Variants in EPHA4 observed in about 807,000 individuals in gnomAD.
EPHA4 encodes EPH receptor A4.
EPHA4 carries 19 observed loss-of-function variants against 108.3 expected under a neutral mutation model. The ratio of observed to expected loss-of-function variants is 0.18; its 90% confidence interval spans 0.12 to 0.26. The LOEUF is 0.26. Among genes scored for constraint, EPHA4 ranks in the 10% least tolerant of loss-of-function variants. The pLI, the probability that EPHA4 is intolerant of heterozygous loss-of-function variation, is 1.00. For missense variants in EPHA4, 917 were observed against 1,254.0 expected (o/e 0.73, Z 4.06); for synonymous variants, 449 against 455.5 (o/e 0.99, Z 0.18).
chr2:221,457,794 A>T, intron 6 of EPHA4, 72 bp downstream of exon 6: 2 of 1,544,136 alleles, frequency 1.3e-6, no homozygotes, highest in South Asian at 2.3e-5. Flanking sequence ...GGGAAGGAGA[A>T]AGGAAAGAAG....
intron 4 of EPHA4, among the ~76,000 whole-genome samples, chr2:221,489,310 G>A (rs912345232): frequency 3.3e-5 from 5 of 152,292 alleles, no homozygotes; most frequent in South Asian, 2.1e-4. Context: ...GTGGATATAC[G>A]GTGTAACGTG....
At chr2:221,562,349 A>C (rs1416689114) in intron 3 of EPHA4, among the ~76,000 whole-genome samples, 1 of 152,222 alleles carries the variant, frequency 6.6e-6, no homozygotes, top group Non-Finnish European at 1.5e-5. Context: ...ACTTCAGACA[A>C]GTGTAAACTA....
In EPHA4 at chr2:221,436,480, G is replaced by C; in HGVS notation, c.2265C>G (p.Asn755Lys). Residue 755 changes from asparagine to lysine, a missense_variant, in exon 13 of 18, where the codon AAC becomes AAG. Asn to Lys is a moderately conservative substitution (Grantham distance 94, BLOSUM62 0). Around this residue, in one of 3 missense-constraint regions of EPHA4, gnomAD observed 758 missense variants for 1,076.7 expected, o/e 0.70. Transcript: ENST00000281821. ...RDLAARNILVNSNLVCKVSDF... is the reference protein window; with the variant it reads ...RDLAARNILVKSNLVCKVSDF... Reference sequence around the variant, plus strand: ...CAGACACTTTGCAGACCAAGTTGCTGTTCACCAGGATGTTCCGTGCGGCCA... The same window carrying C: ...CAGACACTTTGCAGACCAAGTTGCTCTTCACCAGGATGTTCCGTGCGGCCA... 2 of 1,614,118 alleles carry C rather than the reference G, an allele frequency of 1.2e-6. No homozygotes were observed. Among genetic ancestry groups the C allele is most frequent in the Non-Finnish European group, 1.7e-6 (2 of 1,180,028 alleles).
In EPHA4 at chr2:221,571,016, G is replaced by A. The variant is rs919389387; in HGVS notation, c.91+1142C>T. Reference sequence around the variant, plus strand: ...CAGGCCAGAGCACCAGCATACGCTGGAACAGAGCACGAGCATACACTCGAA... The same window carrying A: ...CAGGCCAGAGCACCAGCATACGCTGAAACAGAGCACGAGCATACACTCGAA... On this transcript the variant is annotated intron_variant, in intron 1 of 17. Transcript: ENST00000281821. This position sits in a 1 kb window ranked among gnomAD's most constrained non-coding sequence, Gnocchi z 6.3. Among the ~76,000 whole-genome samples the A allele has an allele frequency of 2.0e-5, 3 of 152,122 alleles. No individual in the cohort carries two copies. The highest frequency in any genetic ancestry group is 7.2e-5 in the African/African-American group (3 of 41,394).
chr2:221,562,786 A>T (rs988986838), intron 3 of EPHA4, among the ~76,000 whole-genome samples: 8 of 152,212 alleles, frequency 5.3e-5, no homozygotes, highest in African/African-American at 1.9e-4. Flanking sequence ...AATCTGTATA[A>T]ATAGGAATTA....
In EPHA4 at chr2:221,511,777, C is replaced by T. The variant is rs1034266039; in HGVS notation, c.824-10605G>A. ...AATTTAAAAATAGAAGGCAGTACAG[C>T]AACCTATAATCACAATAATTCCTTT... On this transcript the variant is annotated intron_variant, in intron 3 of 17. Transcript: ENST00000281821. Among the ~76,000 whole-genome samples the T allele has an allele frequency of 7.3e-4, 111 of 152,310 alleles. 1 individual carries two copies. The highest frequency in any genetic ancestry group is 2.6e-3 in the African/African-American group (108 of 41,572).
chr2:221,472,764 C>T (rs1383728562), intron 5 of EPHA4, among the ~76,000 whole-genome samples: 3 of 152,086 alleles, frequency 2.0e-5, no homozygotes, highest in African/African-American at 4.8e-5. Context: ...AAAAATATTT[C>T]GTGTCTCTAT....
intron 3 of EPHA4, among the ~76,000 whole-genome samples, chr2:221,508,333 C>A (rs1443583953): frequency 6.6e-6 from 1 of 152,124 alleles, no homozygotes; most frequent in Non-Finnish European, 1.5e-5. Flanking sequence ...AATCCCAGCA[C>A]TTTGGGAGGT....
Position 221,456,759 on chromosome 2 carries a change from C to T in EPHA4, c.1457G>A (p.Arg486Gln), listed in dbSNP as rs368046283. The change falls in exon 7 of 18, where the codon CGA (arginine) becomes CAA (glutamine). Residue 486 changes from arginine (R) to glutamine (Q), a missense_variant. Transcript: ENST00000281821. ...AGCTGTCCGAACTATACGATAGCTT[C>T]GCTCATTCTGATCCTACATCATGGC... Reference protein sequence around the residue: ...VKYYEKDQNERSYRIVRTAAR... With the variant: ...VKYYEKDQNEQSYRIVRTAAR... 54 of 1,613,368 alleles carry T rather than the reference C, an allele frequency of 3.3e-5. No individual in the cohort carries two copies. Among genetic ancestry groups the T allele is most frequent in the South Asian group, 2.7e-4 (25 of 91,024 alleles).
intron 15 of EPHA4, among the ~76,000 whole-genome samples, chr2:221,427,456 A>G (rs1689946507): frequency 6.6e-6 from 1 of 152,244 alleles, no homozygotes; most frequent in Non-Finnish European, 1.5e-5. Context: ...AAAATCATTT[A>G]CTAATAAAAA....
At chr2:221,523,281 T>C (rs1286792218) in intron 3 of EPHA4, among the ~76,000 whole-genome samples, 1 of 152,086 alleles carries the variant, frequency 6.6e-6, no homozygotes, top group African/African-American at 2.4e-5. Flanking sequence ...AACTAATATA[T>C]TTAGTCAATA....
intron 3 of EPHA4, among the ~76,000 whole-genome samples, chr2:221,534,096 A>G (rs1252956330): frequency 6.6e-6 from 1 of 152,220 alleles, no homozygotes; most frequent in Non-Finnish European, 1.5e-5. Context: ...ACTCAATTTC[A>G]AAAATCATGC....
intron 8 of EPHA4, among the ~76,000 whole-genome samples, chr2:221,449,174 T>C (rs1278567505): frequency 6.6e-6 from 1 of 152,286 alleles, no homozygotes; most frequent in East Asian, 1.9e-4. Flanking sequence ...AGTAGTCTGT[T>C]TGCTTTTTAG....
chr2:221,519,265 T>C (rs974717323), intron 3 of EPHA4, among the ~76,000 whole-genome samples: 1 of 152,134 alleles, frequency 6.6e-6, no homozygotes, highest in Admixed American at 6.6e-5. Flanking sequence ...CAAAACATCG[T>C]CTATAGGAAA....
chr2:221,562,662 A>C (rs1178855552), intron 3 of EPHA4, among the ~76,000 whole-genome samples: 2 of 152,252 alleles, frequency 1.3e-5, no homozygotes, highest in East Asian at 3.8e-4. Flanking sequence ...TGTAGTAACC[A>C]TAATGGATTG....
At chr2:221,428,339 G>A (rs142634103) in intron 15 of EPHA4, among the ~76,000 whole-genome samples, 6 of 152,278 alleles carry the variant, frequency 3.9e-5, no homozygotes, top group African/African-American at 1.2e-4. Context: ...CTAATTTTGT[G>A]CTGAATCACA....
At chr2:221,504,362 A>C (rs1403276766) in intron 3 of EPHA4, among the ~76,000 whole-genome samples, 1 of 152,050 alleles carries the variant, frequency 6.6e-6, no homozygotes, top group Non-Finnish European at 1.5e-5. Flanking sequence ...GAGAAGGAGG[A>C]GGAGGAAAAA....
At chr2:221,471,814 C>T (rs545497061) in intron 5 of EPHA4, among the ~76,000 whole-genome samples, 12 of 152,282 alleles carry the variant, frequency 7.9e-5, no homozygotes, top group African/African-American at 2.6e-4. Context: ...TTCATGGCTA[C>T]AAAAGGATAC....
intron 5 of EPHA4, among the ~76,000 whole-genome samples, chr2:221,479,181 A>G (rs1033266775): frequency 6.6e-6 from 1 of 152,256 alleles, no homozygotes; most frequent in Admixed American, 6.5e-5. Context: ...GCCATTCATT[A>G]TCTCCTAATT....
Sources: gnomAD v4.1 joint callset for allele counts (sites outside exome capture counted in the v4.1 genomes callset) on GRCh38, gnomAD v4.1.1 for gene constraint, gnomAD v4.1.1 regional missense constraint, Gnocchi (gnomAD v3.1) non-coding constraint, MANE v1.5 for transcripts, NCBI Gene and HGNC (gene_info 2026-07-23, HGNC 2026-07-21) for gene names.